Variants in PCDHA7 observed in about 807,000 individuals in gnomAD.
PCDHA7 encodes the protein protocadherin alpha-7.
PCDHA7 carries 37 observed loss-of-function variants against 57.2 expected under a neutral mutation model. That is an observed-to-expected ratio of 0.65 (90% CI 0.50 to 0.85). The LOEUF (loss-of-function observed/expected upper bound fraction) is 0.85, where lower values mean the gene tolerates loss of function less well. Ranked by LOEUF, PCDHA7 falls within the 40% of genes least tolerant of loss-of-function variation. The probability of loss-of-function intolerance (pLI) is 0.00; values close to 1 mark genes in which losing one functional copy is unlikely to be tolerated. For missense variants in PCDHA7, 1,188 were observed against 1,241.8 expected (o/e 0.96, Z 0.65); for synonymous variants, 553 against 558.8 (o/e 0.99, Z 0.15).
In PCDHA7 at chr5:140,834,738, G is replaced by A. The variant is rs2150225260; in HGVS notation, c.355G>A (p.Val119Met). The change falls in exon 1 of 4, where the codon GTG (valine) becomes ATG (methionine). Residue 119 changes from valine to methionine, a missense_variant. Around this residue, in one of 3 missense-constraint regions of PCDHA7, gnomAD observed 194 missense variants for 185.8 expected, o/e 1.04. Coordinates refer to ENST00000525929, the MANE Select transcript of PCDHA7 (RefSeq NM_018910.3). Reference protein sequence around the residue: ...IVERPLQVFHVDVEVKDINDN... With the variant: ...IVERPLQVFHMDVEVKDINDN... The stretch of plus-strand genomic sequence containing the variant: ...GGAAAGGCCGCTGCAGGTTTTCCAT[G>A]TGGACGTGGAGGTGAAGGACATTAA... 5.6e-6 allele frequency: 9 copies of A among 1,614,242 alleles called. No individual in the cohort carries two copies. Among genetic ancestry groups the A allele is most frequent in the Non-Finnish European group, 7.6e-6 (9 of 1,180,046 alleles).
In PCDHA7 at chr5:140,869,783, G is replaced by A. The variant is rs990827650; in HGVS notation, c.2355+33045G>A. The A allele has an allele frequency of 1.2e-5, 19 of 1,612,688 alleles. No homozygotes were observed. In the African/African-American group the frequency reaches 1.2e-4, roughly 10 times the overall value. ...AAACCAGAGCTTACTGGCACCGTTC[G>A]GCTGTTAGTCCAAGTCTTGGATGTC... On this transcript the variant is annotated intron_variant, in intron 1 of 3. Coordinates refer to ENST00000525929, the MANE Select transcript of PCDHA7 (RefSeq NM_018910.3).
rs115674887 is a variant in PCDHA7, at chr5:140,842,176, T to G, written c.2355+5438T>G. 1,504 of 1,613,900 alleles carry G rather than the reference T, an allele frequency of 9.3e-4. 22 individuals are homozygous for G. The African/African-American group carries it at 0.018, about 19-fold the overall frequency. ...TTTCATATTCTTTTAATAGCCTTGT[T>G]GAAACTATGGTTATTGACCACTTTA... On this transcript the variant is annotated intron_variant, in intron 1 of 3. Transcript: ENST00000525929.
At chr5:140,966,974 C>T (rs782333304) in intron 1 of PCDHA7, 4 of 1,602,874 alleles carry the variant, frequency 2.5e-6, no homozygotes, top group Non-Finnish European at 3.4e-6. Flanking sequence ...GCTTGAGCTG[C>T]GGCGCTTGGG....
chr5:140,892,311 T>C (rs1042617869), intron 1 of PCDHA7, among the ~76,000 whole-genome samples: 1 of 152,222 alleles, frequency 6.6e-6, no homozygotes, highest in Non-Finnish European at 1.5e-5. Flanking sequence ...TTGGGGCTTA[T>C]AACATTTTCT....
chr5:140,932,430 G>A (rs1563132683), intron 1 of PCDHA7, among the ~76,000 whole-genome samples: 1 of 151,794 alleles, frequency 6.6e-6, no homozygotes, highest in East Asian at 1.9e-4. Context: ...TGTTCACCTG[G>A]AATTAAAGCA....
Position 140,842,861 on chromosome 5 carries a change from A to G in PCDHA7, c.2355+6123A>G, listed in dbSNP as rs2150346552. Reference sequence around the variant, plus strand: ...GAGCTACATTTCGGTGCACACGGAGAGCGGCAAGGTGTACGCGCTGCAGCC... The same window carrying G: ...GAGCTACATTTCGGTGCACACGGAGGGCGGCAAGGTGTACGCGCTGCAGCC... On this transcript the variant is annotated intron_variant, in intron 1 of 3. Coordinates refer to ENST00000525929, the MANE Select transcript of PCDHA7 (RefSeq NM_018910.3). 2.6e-5 allele frequency: 42 copies of G among 1,593,576 alleles called. 3 individuals are homozygous for G. In the South Asian group the frequency reaches 4.4e-4, roughly 17 times the overall value.
intron 1 of PCDHA7, among the ~76,000 whole-genome samples, chr5:140,978,010 T>G (rs2096785841): frequency 6.6e-6 from 1 of 152,156 alleles, no homozygotes; most frequent in African/African-American, 2.4e-5. Flanking sequence ...TTTTTCACAG[T>G]GACATTTTTG....
intron 1 of PCDHA7, among the ~76,000 whole-genome samples, chr5:140,921,151 AT>A (rs11299094): frequency 0.63 from 94,902 of 151,506 alleles, 30,179 homozygotes; most frequent in African/African-American, 0.71. Flanking sequence ...CAGCTAATGC[AT>A]TTTTTTTTTA....
rs546789240 is a variant in PCDHA7 at position 140,938,168 on chromosome 5, G to A, written c.2356-40781G>A. Among the ~76,000 whole-genome samples, 6 of 152,184 alleles carry A rather than the reference G, an allele frequency of 3.9e-5. No homozygotes were observed. The South Asian group carries it at 1.2e-3, about 32-fold the overall frequency. Reference sequence around the variant, plus strand: ...ACTACATTGCCCAGGCTAGTCTGGAGCTCCTGGGCTCAAGCAATCCTCCCA... The same window carrying A: ...ACTACATTGCCCAGGCTAGTCTGGAACTCCTGGGCTCAAGCAATCCTCCCA... On this transcript the variant is annotated intron_variant, in intron 1 of 3. Coordinates refer to ENST00000525929, the MANE Select transcript of PCDHA7 (RefSeq NM_018910.3).
At chr5:140,993,460 TCTCACA>T (rs782519654) in intron 3 of PCDHA7, among the ~76,000 whole-genome samples, 239 of 104,566 alleles carry the variant, frequency 2.3e-3, no homozygotes, top group Admixed American at 6.0e-3. Context: ...CTTCTTTCTT[TCTCACA>T]CACACACACA....
In PCDHA7 at chr5:140,835,675, G is replaced by A. The variant is rs2150241595; in HGVS notation, c.1292G>A (p.Gly431Asp). ...YELVVTARDG[G>D]SPSLWATASV... ...CTGGTGGTTACCGCGCGGGACGGGG[G>A]CTCGCCTTCTCTGTGGGCCACTGCT... The change falls in exon 1 of 4, where the codon GGC becomes GAC. Residue 431 changes from glycine (G) to aspartate (D), a missense_variant. Coordinates refer to ENST00000525929, the MANE Select transcript of PCDHA7 (RefSeq NM_018910.3). 1.9e-6 allele frequency: 3 copies of A among 1,613,800 alleles called. No individual in the cohort carries two copies. Among genetic ancestry groups the A allele is most frequent in the Admixed American group, 1.7e-5 (1 of 59,998 alleles).
chr5:140,968,801 G>T, intron 1 of PCDHA7: 1 of 1,614,216 alleles, frequency 6.2e-7, no homozygotes, highest in Non-Finnish European at 8.5e-7. Context: ...CATTACAGTA[G>T]CTGTGGTGGA....
At chr5:140,891,624 T>C (rs1489586112) in intron 1 of PCDHA7, among the ~76,000 whole-genome samples, 1 of 152,188 alleles carries the variant, frequency 6.6e-6, no homozygotes, top group African/African-American at 2.4e-5. Context: ...TTTTAACACC[T>C]TTTGCTCTTT....
chr5:140,836,907 C>A, intron 1 of PCDHA7, 169 bp downstream of exon 1: 1 of 583,884 alleles, frequency 1.7e-6, no homozygotes, highest in Non-Finnish European at 2.8e-6. Flanking sequence ...GTTTAATATA[C>A]ACTTTTGTTT....
intron 1 of PCDHA7, chr5:140,841,911 G>T: frequency 1.2e-6 from 2 of 1,613,886 alleles, no homozygotes; most frequent in Non-Finnish European, 1.7e-6. Context: ...CTCGTATTAA[G>T]AAAATCCTTG....
chr5:140,834,566 G>A lies in PCDHA7; in HGVS notation c.183G>A (p.Pro61=), dbSNP rs2150221246. Residue 61 remains proline, a synonymous_variant, in exon 1 of 4, where the codon CCG becomes CCA. Coordinates refer to ENST00000525929, the MANE Select transcript of PCDHA7 (RefSeq NM_018910.3). ...DLGLELAELV[P]RLFRAVCKFR... ...GGCTGGAGCTGGCGGAGCTGGTGCC[G>A]CGCCTGTTCCGGGCGGTGTGCAAAT... 1 of 1,614,096 alleles carries A rather than the reference G, an allele frequency of 6.2e-7. No individual in the cohort carries two copies. Among genetic ancestry groups the A allele is most frequent in the South Asian group, 1.1e-5 (1 of 91,076 alleles).
chr5:141,007,107 A>G (rs1162403610), intron 3 of PCDHA7, among the ~76,000 whole-genome samples: 1 of 152,190 alleles, frequency 6.6e-6, no homozygotes, highest in Non-Finnish European at 1.5e-5. Context: ...GCCAAACCCA[A>G]GGAAGCTTCA....
At chr5:140,973,665 T>G (rs1309458037) in intron 1 of PCDHA7, among the ~76,000 whole-genome samples, 1 of 152,248 alleles carries the variant, frequency 6.6e-6, no homozygotes, top group African/African-American at 2.4e-5. Context: ...CTATTTATTG[T>G]AGCTTGAATG....
chr5:140,901,146 C>A (rs1463079898), intron 1 of PCDHA7, among the ~76,000 whole-genome samples: 1 of 152,180 alleles, frequency 6.6e-6, no homozygotes, highest in African/African-American at 2.4e-5. Flanking sequence ...AATATTTTCT[C>A]TCAATCTGTG....
Sources: gnomAD v4.1 joint callset for allele counts (sites outside exome capture counted in the v4.1 genomes callset) on GRCh38, gnomAD v4.1.1 for gene constraint, gnomAD v4.1.1 regional missense constraint, MANE v1.5 for transcripts, NCBI Gene and HGNC (gene_info 2026-07-23, HGNC 2026-07-21) for gene names.